The following MCTP2 variants were observed in gnomAD, a reference collection of about 807,000 sequenced individuals.
MCTP2 encodes the protein multiple C2 and transmembrane domain-containing protein 2.
Under a neutral mutation model 111.6 loss-of-function variants are expected in MCTP2, and 132 were observed. The observed-to-expected ratio is 1.18, with a 90% CI of 1.03 to 1.37. The LOEUF (loss-of-function observed/expected upper bound fraction) is 1.37, where lower values mean the gene tolerates loss of function less well. Among genes scored for constraint, MCTP2 ranks in the 40% most tolerant of loss-of-function variants. MCTP2 has a pLI of 0.00. For synonymous variants in MCTP2, 395 were observed against 387.7 expected, an observed-to-expected ratio of 1.02 and a Z score of -0.22; for missense variants, 1,183 against 1,067.9, an observed-to-expected ratio of 1.11 and a Z score of -1.50.
chr15:94,318,269 A>T (rs933774789), intron 4 of MCTP2, among the ~76,000 whole-genome samples: 1 of 129,734 alleles, frequency 7.7e-6, no homozygotes, highest in Non-Finnish European at 1.6e-5. Flanking sequence ...CTTCAAAAAA[A>T]AAATTTTTTT....
At chr15:94,304,074 CATG>C (rs1169149774) in intron 2 of MCTP2, among the ~76,000 whole-genome samples, 1 of 152,206 alleles carries the variant, frequency 6.6e-6, no homozygotes, top group African/African-American at 2.4e-5. Context: ...AGGACTGACT[CATG>C]ATAACCAGAT....
chr15:94,443,922 G>A (rs2083940492), intron 19 of MCTP2, among the ~76,000 whole-genome samples: 1 of 124,618 alleles, frequency 8.0e-6, no homozygotes, highest in African/African-American at 3.0e-5. Flanking sequence ...GAGTGATTAA[G>A]TCATTGAATA....
chr15:94,256,060 C>CA (rs2072745444), intron 1 of MCTP2, among the ~76,000 whole-genome samples: 1 of 152,078 alleles, frequency 6.6e-6, no homozygotes, highest in Non-Finnish European at 1.5e-5. Context: ...ATCCCAAATG[C>CA]AAAAACCTGA....
chr15:94,397,918 TA>T (rs762968424), intron 14 of MCTP2, among the ~76,000 whole-genome samples: 1 of 152,188 alleles, frequency 6.6e-6, no homozygotes, highest in Non-Finnish European at 1.5e-5. Flanking sequence ...GTATGCTTCT[TA>T]AAAGCCCAAA....
At position 94,337,468 on chromosome 15, in the gene MCTP2, G is replaced by T. The variant is rs139334340; in HGVS notation, c.638-1822G>T. Among the ~76,000 whole-genome samples, 130 of 150,452 alleles carry T rather than the reference G, an allele frequency of 8.6e-4. 2 individuals are homozygous for T. The East Asian group carries it at 0.024, about 27-fold the overall frequency. On this transcript the variant is annotated intron_variant, in intron 4 of 22. Coordinates refer to ENST00000357742, the MANE Select transcript of MCTP2 (RefSeq NM_001385001.1). ...GAGTGGCAATTTCATTTAATTAAAG[G>T]CCTCTTTTTATTATAGTTTTCCCCC... is the stretch of plus-strand genomic sequence containing the variant.
intron 4 of MCTP2, among the ~76,000 whole-genome samples, chr15:94,320,134 T>C (rs2076559533): frequency 7.4e-6 from 1 of 135,596 alleles, no homozygotes. Context: ...GAGAATAGTT[T>C]ATTAATCTTT....
intron 14 of MCTP2, among the ~76,000 whole-genome samples, chr15:94,394,575 C>A (rs1341871680): frequency 6.6e-6 from 1 of 151,962 alleles, no homozygotes; most frequent in Admixed American, 6.6e-5. Flanking sequence ...ACCATCCTGG[C>A]TAACATGGTG....
In MCTP2 at chr15:94,258,698, C is replaced by G. The variant is rs146117037; in HGVS notation, c.-66+27034C>G. Among the ~76,000 whole-genome samples the G allele has an allele frequency of 8.5e-5, 13 of 152,290 alleles. No homozygotes were observed. The East Asian group carries it at 2.5e-3, about 29-fold the overall frequency. ...TGTCTATTTCATCTTGTCTGGTTTGCATTATGTTCATTACCTGATTCTTCT... is the reference window on the plus strand; with the variant it reads ...TGTCTATTTCATCTTGTCTGGTTTGGATTATGTTCATTACCTGATTCTTCT... On this transcript the variant is annotated intron_variant, in intron 1 of 22. Transcript: ENST00000357742.
chr15:94,465,802 C>T (rs2073228817), intron 20 of MCTP2, among the ~76,000 whole-genome samples: 1 of 131,228 alleles, frequency 7.6e-6, no homozygotes, highest in Non-Finnish European at 1.7e-5. Flanking sequence ...CCTCCACTTG[C>T]TAGGAATTGA....
At position 94,298,645 on chromosome 15, in the gene MCTP2, C is replaced by G. The variant is rs1262562250; in HGVS notation, c.380C>G (p.Pro127Arg). 3 of 1,614,112 alleles carry G rather than the reference C, an allele frequency of 1.9e-6. No homozygotes were observed. In the Admixed American group the frequency reaches 5.0e-5, roughly 27 times the overall value. ...GACTCAGAGGAGGCCTATGCCTCTC[C>G]TGCTGAGCGGAGACGGGTGTCCAGC... ...ETDSEEAYAS[P>R]AERRRVSSNG... Residue 127 changes from proline (P) to arginine (R), a missense_variant, in exon 2 of 23, where the codon CCT becomes CGT. Pro to Arg is a moderately radical substitution (Grantham distance 103, BLOSUM62 -2). Coordinates refer to ENST00000357742, the MANE Select transcript of MCTP2 (RefSeq NM_001385001.1).
intron 10 of MCTP2, among the ~76,000 whole-genome samples, chr15:94,361,522 A>G (rs752603368): frequency 2.6e-5 from 4 of 152,184 alleles, no homozygotes; most frequent in Non-Finnish European, 4.4e-5. Context: ...ATCATGGCTA[A>G]CAGTAACAAC....
intron 10 of MCTP2, among the ~76,000 whole-genome samples, chr15:94,364,688 A>T (rs1007874957): frequency 1.3e-5 from 2 of 151,888 alleles, no homozygotes; most frequent in South Asian, 2.1e-4. Context: ...TTTGGTTAAC[A>T]TTATTTGCAA....
intron 21 of MCTP2, among the ~76,000 whole-genome samples, chr15:94,472,446 G>A (rs1326153971): frequency 6.6e-6 from 1 of 152,172 alleles, no homozygotes; most frequent in African/African-American, 2.4e-5. Flanking sequence ...TCAATTTTGA[G>A]ATTCCAATCC....
chr15:94,381,131 C>T (rs2080112419), intron 12 of MCTP2, among the ~76,000 whole-genome samples: 1 of 152,188 alleles, frequency 6.6e-6, no homozygotes, highest in Non-Finnish European at 1.5e-5. Context: ...CCTTTTCTCT[C>T]AGTACCATTG....
Position 94,247,704 on chromosome 15 carries a change from C to A in MCTP2, c.-66+16040C>A, listed in dbSNP as rs150820370. On this transcript the variant is annotated intron_variant, in intron 1 of 22. Coordinates refer to ENST00000357742, the MANE Select transcript of MCTP2 (RefSeq NM_001385001.1). ...ACTAATTTAATGCCTCTGTAAAAAG[C>A]TGCCCTGTACCTTATCATAGAGCAA... is the stretch of plus-strand genomic sequence containing the variant. Among the ~76,000 whole-genome samples the A allele has an allele frequency of 3.5e-3, 531 of 152,286 alleles. 6 individuals carry two copies. The highest frequency in any genetic ancestry group is 6.8e-3 in the Middle Eastern group (2 of 294).
chr15:94,316,777 T>C (rs923083301), intron 4 of MCTP2, among the ~76,000 whole-genome samples: 2 of 152,176 alleles, frequency 1.3e-5, no homozygotes, highest in African/African-American at 4.8e-5. Flanking sequence ...GTTTTTTTCT[T>C]TATGATATTT....
intron 21 of MCTP2, among the ~76,000 whole-genome samples, chr15:94,474,859 G>GT (rs11456362): frequency 0.52 from 77,302 of 149,780 alleles, 20,544 homozygotes; most frequent in Non-Finnish European, 0.59. Flanking sequence ...TTTATCCTAA[G>GT]TTTTTTTTTT....
At chr15:94,425,460 A>G (rs1278162728) in intron 17 of MCTP2, among the ~76,000 whole-genome samples, 1 of 152,176 alleles carries the variant, frequency 6.6e-6, no homozygotes, top group Non-Finnish European at 1.5e-5. Context: ...GACAAGACCA[A>G]TATTGAAAGT....
At chr15:94,337,381 G>A (rs2077412158) in intron 4 of MCTP2, among the ~76,000 whole-genome samples, 1 of 152,138 alleles carries the variant, frequency 6.6e-6, no homozygotes, top group Non-Finnish European at 1.5e-5. Context: ...TGACACCACT[G>A]AGGCCTAGTT....
Sources: gnomAD v4.1 joint callset for allele counts (sites outside exome capture counted in the v4.1 genomes callset) on GRCh38, gnomAD v4.1.1 for gene constraint, MANE v1.5 for transcripts, NCBI Gene and HGNC (gene_info 2026-07-23, HGNC 2026-07-21) for gene names.